The following GPC5 variants were observed in gnomAD, a reference collection of about 807,000 sequenced individuals.
The protein encoded by GPC5 is glypican 5.
A neutral mutation model predicts 53.9 loss-of-function variants in GPC5; 47 were observed. The observed-to-expected ratio is 0.87, with a 90% confidence interval of 0.69 to 1.11. GPC5 has a LOEUF of 1.11. Among genes scored for constraint, GPC5 ranks in the 50% most tolerant of loss-of-function variants. The probability of loss-of-function intolerance (pLI) is 0.00; values close to 1 mark genes in which losing one functional copy is unlikely to be tolerated. For missense variants in GPC5, 748 were observed against 713.1 expected, an observed-to-expected ratio of 1.05 and a Z score of -0.56; for synonymous variants, 286 against 263.3, an observed-to-expected ratio of 1.09 and a Z score of -0.84.
intron 7 of GPC5, among the ~76,000 whole-genome samples, chr13:92,584,041 C>G (rs1883456685): frequency 6.6e-6 from 1 of 152,160 alleles, no homozygotes; most frequent in Non-Finnish European, 1.5e-5. Flanking sequence ...TGTGAATTGC[C>G]CAATTTTAGA....
intron 5 of GPC5, among the ~76,000 whole-genome samples, chr13:91,842,017 C>G (rs909514239): frequency 6.6e-5 from 10 of 152,140 alleles, no homozygotes; most frequent in African/African-American, 2.4e-4. Flanking sequence ...TTCCCCATAT[C>G]TGCATAGACA....
chr13:92,007,918 A>G lies in GPC5; in HGVS notation c.1401+99861A>G, dbSNP rs578209466. Among the ~76,000 whole-genome samples the G allele has an allele frequency of 7.9e-5, 12 of 152,202 alleles. 1 individual carries two copies. In the South Asian group the frequency reaches 2.3e-3, roughly 29 times the overall value. ...TCACATATGAGGACTCCAAAACTCT[A>G]TACTTCCGTTTCCACTTTACTCTTT... On this transcript the variant is annotated intron_variant, in intron 6 of 7. Transcript: ENST00000377067.
At chr13:92,727,108 C>G (rs1374156199) in intron 7 of GPC5, among the ~76,000 whole-genome samples, 1 of 151,408 alleles carries the variant, frequency 6.6e-6, no homozygotes, top group Non-Finnish European at 1.5e-5. Flanking sequence ...TAGCTTAACA[C>G]AATTTGTAAT....
chr13:91,648,266 A>G (rs2034609699), intron 2 of GPC5, among the ~76,000 whole-genome samples: 1 of 152,190 alleles, frequency 6.6e-6, no homozygotes, highest in African/African-American at 2.4e-5. Flanking sequence ...CACATGTGCA[A>G]TGTGTTGGGC....
intron 7 of GPC5, among the ~76,000 whole-genome samples, chr13:92,237,105 C>T (rs2042576153): frequency 6.6e-6 from 1 of 152,160 alleles, no homozygotes; most frequent in Admixed American, 6.6e-5. Flanking sequence ...GTTCTGAAAA[C>T]TCTCTTGAGC....
At chr13:92,424,207 A>G (rs1876718490) in intron 7 of GPC5, among the ~76,000 whole-genome samples, 1 of 152,166 alleles carries the variant, frequency 6.6e-6, no homozygotes, top group Admixed American at 6.5e-5. Context: ...TGAATGCAAT[A>G]TAAGAACTAC....
At chr13:91,821,970 A>G (rs2038502837) in intron 5 of GPC5, among the ~76,000 whole-genome samples, 1 of 152,248 alleles carries the variant, frequency 6.6e-6, no homozygotes. Context: ...AAAATTAATT[A>G]TCCTTAAAGG....
intron 7 of GPC5, among the ~76,000 whole-genome samples, chr13:92,504,929 C>T (rs1420890344): frequency 6.6e-6 from 1 of 151,712 alleles, no homozygotes; most frequent in Non-Finnish European, 1.5e-5. Context: ...AGAGTTTTTA[C>T]ACCTTACAAC....
intron 6 of GPC5, among the ~76,000 whole-genome samples, chr13:92,067,020 T>C (rs1368214327): frequency 6.6e-6 from 1 of 152,072 alleles, no homozygotes; most frequent in Admixed American, 6.6e-5. Context: ...GTAAAGGATA[T>C]ATGAAGTGAA....
intron 2 of GPC5, among the ~76,000 whole-genome samples, chr13:91,452,243 C>T (rs900525767): frequency 5.9e-5 from 9 of 152,020 alleles, no homozygotes; most frequent in African/African-American, 1.4e-4. Flanking sequence ...TTTGGTCTTC[C>T]GAAGTGCTGG....
chr13:92,155,453 G>T (rs2041936980), intron 7 of GPC5, among the ~76,000 whole-genome samples: 1 of 152,062 alleles, frequency 6.6e-6, no homozygotes, highest in African/African-American at 2.4e-5. Flanking sequence ...TATTCCAGTT[G>T]CATAGTGTAC....
intron 7 of GPC5, among the ~76,000 whole-genome samples, chr13:92,753,431 C>T (rs1476738914): frequency 6.6e-6 from 1 of 152,204 alleles, no homozygotes; most frequent in Non-Finnish European, 1.5e-5. Flanking sequence ...ACCTCTCCTC[C>T]TCCAAAGGAA....
At chr13:92,644,102 C>G (rs1885685362) in intron 7 of GPC5, among the ~76,000 whole-genome samples, 1 of 152,050 alleles carries the variant, frequency 6.6e-6, no homozygotes, top group South Asian at 2.1e-4. Flanking sequence ...TTGTTAAAAT[C>G]CTGAGGAGGA....
intron 6 of GPC5, among the ~76,000 whole-genome samples, chr13:92,042,192 C>G (rs1474851530): frequency 1.3e-5 from 2 of 152,074 alleles, no homozygotes; most frequent in Non-Finnish European, 2.9e-5. Flanking sequence ...CAAGGTAAAG[C>G]CTTTTGATTC....
At chr13:92,024,290 G>T (rs903591024) in intron 6 of GPC5, among the ~76,000 whole-genome samples, 1 of 151,964 alleles carries the variant, frequency 6.6e-6, no homozygotes, top group African/African-American at 2.4e-5. Flanking sequence ...CACTGTATTG[G>T]CACTGCTGTT....
chr13:91,562,619 ATT>A (rs35271520), intron 2 of GPC5, among the ~76,000 whole-genome samples: 105 of 126,032 alleles, frequency 8.3e-4, no homozygotes, highest in Admixed American at 4.4e-3. Flanking sequence ...ATGCCTGGCT[ATT>A]TTTTTTTTTT....
At chr13:91,827,656 A>G (rs1490094680) in intron 5 of GPC5, among the ~76,000 whole-genome samples, 1 of 152,090 alleles carries the variant, frequency 6.6e-6, no homozygotes, top group East Asian at 1.9e-4. Context: ...GCAATGAAAT[A>G]TCAGACTACA....
intron 7 of GPC5, among the ~76,000 whole-genome samples, chr13:92,662,415 A>AATC (rs2139187950): frequency 6.6e-6 from 1 of 152,230 alleles, no homozygotes; most frequent in South Asian, 2.1e-4. Flanking sequence ...TCCTTCCATT[A>AATC]ATCTATTCTA....
chr13:91,772,901 A>G (rs1042205479), intron 5 of GPC5, among the ~76,000 whole-genome samples: 1 of 152,188 alleles, frequency 6.6e-6, no homozygotes, highest in East Asian at 1.9e-4. Context: ...GCCTTTGGCC[A>G]TCACAATTAC....
Sources: allele counts gnomAD v4.1 joint callset (sites outside exome capture counted in the v4.1 genomes callset), GRCh38; gene constraint gnomAD v4.1.1; transcripts MANE v1.5; gene names NCBI Gene and HGNC (gene_info 2026-07-23, HGNC 2026-07-21).